The following ASH1L variants were observed in gnomAD, a reference collection of about 807,000 sequenced individuals.
ASH1L encodes histone-lysine N-methyltransferase ASH1L.
A neutral mutation model predicts 269.0 loss-of-function variants in ASH1L; 23 were observed. That is an observed-to-expected ratio of 0.09 (90% CI 0.06 to 0.12). The LOEUF (loss-of-function observed/expected upper bound fraction) is 0.12, where lower values mean the gene tolerates loss of function less well. Ranked by LOEUF, ASH1L falls within the 10% of genes least tolerant of loss-of-function variation. ASH1L has a pLI of 1.00. For synonymous variants in ASH1L, 1,187 were observed against 1,253.5 expected, an observed-to-expected ratio of 0.95 and a Z score of 1.12; for missense variants, 2,912 against 3,567.8, an observed-to-expected ratio of 0.82 and a Z score of 4.68.
chr1:155,467,169 T>C (rs941796190), intron 3 of ASH1L, among the ~76,000 whole-genome samples: 2 of 152,208 alleles, frequency 1.3e-5, no homozygotes, highest in Non-Finnish European at 2.9e-5. Context: ...GGTTTGTAAG[T>C]TCTGTCATGT....
At position 155,477,949 on chromosome 1, in the gene ASH1L, G is replaced by T. The variant is rs1463744386; in HGVS notation, c.4921C>A (p.Leu1641Ile). Residue 1641 changes from leucine (L) to isoleucine (I), a missense_variant, in exon 3 of 28, where the codon CTA becomes ATA. Leu to Ile is a conservative substitution (Grantham distance 5). This residue lies in a region of ASH1L where 789 missense variants were observed against 897.6 expected (regional missense o/e 0.88). Transcript: ENST00000392403. ...PGLFSAQDTS[L>I]NRLHRKESLP... Reference sequence around the variant, plus strand: ...GACTCCTTTCTGTGAAGCCGATTTAGTGAAGTGTCCTGTGCAGAAAAGAGT... The same window carrying T: ...GACTCCTTTCTGTGAAGCCGATTTATTGAAGTGTCCTGTGCAGAAAAGAGT... 6.2e-7 allele frequency: 1 copy of T among 1,614,166 alleles called. No individual in the cohort carries two copies. Among genetic ancestry groups the T allele is most frequent in the East Asian group, 2.2e-5 (1 of 44,892 alleles).
intron 5 of ASH1L, among the ~76,000 whole-genome samples, chr1:155,427,363 A>G (rs1661236156): frequency 6.6e-6 from 1 of 151,456 alleles, no homozygotes; most frequent in African/African-American, 2.4e-5. Flanking sequence ...GCTGGAGTGC[A>G]GTGGCCAGAT....
intron 5 of ASH1L, chr1:155,434,372 A>T: frequency 6.8e-7 from 1 of 1,476,322 alleles, no homozygotes; most frequent in East Asian, 2.5e-5. Context: ...TCACTAAGGA[A>T]GGAATTGGGA....
At chr1:155,443,056 C>A (rs542139389) in intron 4 of ASH1L, among the ~76,000 whole-genome samples, 1 of 152,284 alleles carries the variant, frequency 6.6e-6, no homozygotes, top group African/African-American at 2.4e-5. Context: ...AATGTTTGGT[C>A]CATTAACGCG....
At position 155,535,207 on chromosome 1, in the gene ASH1L, T is replaced by G. The variant is rs986262222; in HGVS notation, c.-99-13589A>C. 5.4e-5 allele frequency among the ~76,000 whole-genome samples: 8 copies of G among 149,126 alleles called. No homozygotes were observed. The East Asian group carries it at 1.6e-3, about 29-fold the overall frequency. On this transcript the variant is annotated intron_variant, in intron 1 of 27. Coordinates refer to ENST00000392403, the MANE Select transcript of ASH1L (RefSeq NM_018489.3). Reference sequence around the variant, plus strand: ...TCCATTTAAAAAAAAAAAAAAAAAGTAAAATCTAACTTGTCTTATCTGAGG... The same window carrying G: ...TCCATTTAAAAAAAAAAAAAAAAAGGAAAATCTAACTTGTCTTATCTGAGG...
intron 4 of ASH1L, among the ~76,000 whole-genome samples, chr1:155,448,647 A>T (rs912704930): frequency 6.6e-6 from 1 of 152,058 alleles, no homozygotes; most frequent in African/African-American, 2.4e-5. Flanking sequence ...GGTGCGCGTG[A>T]CCACGCCCAG....
chr1:155,431,659 G>A (rs1661616708), intron 5 of ASH1L, among the ~76,000 whole-genome samples: 3 of 152,146 alleles, frequency 2.0e-5, no homozygotes, highest in South Asian at 4.1e-4. Flanking sequence ...CACTGTGGGG[G>A]AGGGATGGGG....
chr1:155,416,003 A>C (rs981443049), intron 5 of ASH1L, 80 bp from the exon 6 acceptor site: 2 of 1,193,426 alleles, frequency 1.7e-6, no homozygotes, highest in Non-Finnish European at 1.1e-6. Flanking sequence ...AAAAAAAAAA[A>C]CCATAGCAAT....
At chr1:155,379,503 C>T (rs1317686742) in intron 8 of ASH1L, among the ~76,000 whole-genome samples, 4 of 152,082 alleles carry the variant, frequency 2.6e-5, no homozygotes, top group Non-Finnish European at 5.9e-5. Flanking sequence ...AAAATCACTA[C>T]GGGAAACTTT....
At chr1:155,520,339 GAC>G (rs2148839935) in intron 2 of ASH1L, 1 of 106,558 alleles carries the variant, frequency 9.4e-6, no homozygotes, top group South Asian at 3.1e-4. Context: ...CAGTCTGGGC[GAC>G]AGAGTAAGAC....
At chr1:155,544,998 C>A (rs1670691665) in intron 1 of ASH1L, among the ~76,000 whole-genome samples, 1 of 150,796 alleles carries the variant, frequency 6.6e-6, no homozygotes, top group African/African-American at 2.4e-5. Context: ...CATGGAGAAA[C>A]CCCGTCTCTA....
chr1:155,486,090 C>T (rs1666312177), intron 2 of ASH1L, among the ~76,000 whole-genome samples: 2 of 152,276 alleles, frequency 1.3e-5, no homozygotes, highest in South Asian at 2.1e-4. Flanking sequence ...GGCTGTCAGA[C>T]ATTTGAACTC....
chr1:155,349,715 T>C, intron 17 of ASH1L, 119 bp from the exon 18 acceptor site: 1 of 839,120 alleles, frequency 1.2e-6, no homozygotes. Flanking sequence ...AAGTCTTTTT[T>C]TTTTTTTTTT....
intron 1 of ASH1L, among the ~76,000 whole-genome samples, chr1:155,559,680 T>C (rs1671829631): frequency 6.6e-6 from 1 of 152,174 alleles, no homozygotes; most frequent in South Asian, 2.1e-4. Flanking sequence ...AATTTCAACT[T>C]CTAGGAATGT....
intron 21 of ASH1L, chr1:155,346,157 C>A (rs1183296904): frequency 7.0e-7 from 1 of 1,433,026 alleles, no homozygotes; most frequent in South Asian, 1.2e-5. Flanking sequence ...TTATATAGTG[C>A]CATTCCTTCC....
intron 4 of ASH1L, among the ~76,000 whole-genome samples, chr1:155,443,089 CTTT>C (rs1366934593): frequency 6.6e-6 from 1 of 152,220 alleles, no homozygotes; most frequent in Non-Finnish European, 1.5e-5. Flanking sequence ...ACCAAAATCA[CTTT>C]TTATCTCCAA....
intron 19 of ASH1L, 41 bp downstream of exon 19, chr1:155,349,286 G>C (rs1408659007): frequency 2.8e-5 from 44 of 1,589,188 alleles, no homozygotes; most frequent in Non-Finnish European, 3.7e-5. Context: ...ATTCTTTTCA[G>C]AACAAACTTG....
chr1:155,357,501 C>T, intron 14 of ASH1L, 84 bp downstream of exon 14: 2 of 1,596,054 alleles, frequency 1.3e-6, no homozygotes, highest in Non-Finnish European at 8.6e-7. Flanking sequence ...AAGATGCCAC[C>T]CTCTGGTAAT....
chr1:155,419,519 A>G (rs1436913116), intron 5 of ASH1L: 2 of 152,206 alleles, frequency 1.3e-5, no homozygotes, highest in Non-Finnish European at 2.9e-5. Context: ...CATTTTACTT[A>G]AAAAATAATA....
Sources: allele counts gnomAD v4.1 joint callset (sites outside exome capture counted in the v4.1 genomes callset), GRCh38; gene constraint gnomAD v4.1.1; regional missense constraint gnomAD v4.1.1; transcripts MANE v1.5; gene names NCBI Gene and HGNC (gene_info 2026-07-23, HGNC 2026-07-21).